The following CHN1 variants were observed in gnomAD, a reference collection of about 807,000 sequenced individuals.
The protein encoded by CHN1 is chimerin 1.
Under a neutral mutation model 59.5 loss-of-function variants are expected in CHN1, and 37 were observed. That is an observed-to-expected ratio of 0.62 (90% confidence interval 0.48 to 0.82). CHN1 has a LOEUF of 0.82. Among genes scored for constraint, CHN1 ranks in the 40% least tolerant of loss-of-function variants. The pLI, the probability that CHN1 is intolerant of heterozygous loss-of-function variation, is 0.00. For synonymous variants in CHN1, 206 were observed against 200.4 expected, an observed-to-expected ratio of 1.03 and a Z score of -0.24; for missense variants, 469 against 571.0, an observed-to-expected ratio of 0.82 and a Z score of 1.82.
At chr2:174,926,788 T>C (rs1331233956) in intron 3 of CHN1, among the ~76,000 whole-genome samples, 1 of 151,760 alleles carries the variant, frequency 6.6e-6, no homozygotes, top group Non-Finnish European at 1.5e-5. Flanking sequence ...GACGGAGTCT[T>C]GCTCTGTTGC....
rs903638312 is a variant in CHN1, at chr2:174,995,261, G to A, written c.19+9633C>T. Among the ~76,000 whole-genome samples, 12 of 152,076 alleles carry A rather than the reference G, an allele frequency of 7.9e-5. No homozygotes were observed. In the East Asian group the frequency reaches 9.6e-4, roughly 12 times the overall value. Reference sequence around the variant, plus strand: ...TTTCACTTTTCATGGTTTCAATTACGCACAGTCAACTGCAATCTGAAAAAA... The same window carrying A: ...TTTCACTTTTCATGGTTTCAATTACACACAGTCAACTGCAATCTGAAAAAA... On this transcript the variant is annotated intron_variant, in intron 1 of 12. Coordinates refer to ENST00000409900, the MANE Select transcript of CHN1 (RefSeq NM_001822.7).
At chr2:174,952,913 C>T (rs1220889742) in intron 1 of CHN1, among the ~76,000 whole-genome samples, 1 of 152,102 alleles carries the variant, frequency 6.6e-6, no homozygotes, top group Non-Finnish European at 1.5e-5. Flanking sequence ...ACATGACGGA[C>T]GTGGAGTTAT....
At chr2:174,809,079 TGG>T in intron 10 of CHN1, 37 bp from the exon 11 acceptor site, 2 of 1,563,268 alleles carry the variant, frequency 1.3e-6, no homozygotes, top group Non-Finnish European at 1.7e-6. Context: ...AGTAAATATC[TGG>T]ATTCACAGCA....
intron 6 of CHN1, among the ~76,000 whole-genome samples, chr2:174,873,573 A>G (rs1371789381): frequency 1.1e-4 from 16 of 152,214 alleles, no homozygotes; most frequent in Non-Finnish European, 1.9e-4. Context: ...GCCAATTAAC[A>G]AAGCAGACTG....
intron 1 of CHN1, among the ~76,000 whole-genome samples, chr2:174,970,407 A>C (rs539730141): frequency 8.5e-5 from 13 of 152,346 alleles, no homozygotes; most frequent in African/African-American, 2.4e-4. Context: ...TCCAACAAAA[A>C]TAACTAACTG....
intron 1 of CHN1, among the ~76,000 whole-genome samples, chr2:174,987,113 C>A (rs1169289968): frequency 6.6e-6 from 1 of 152,166 alleles, no homozygotes; most frequent in Non-Finnish European, 1.5e-5. Context: ...ACATATAACA[C>A]AAAATATGCG....
chr2:174,824,291 G>C (rs976250942), intron 8 of CHN1, 143 bp downstream of exon 8: 1 of 485,082 alleles, frequency 2.1e-6, no homozygotes, highest in East Asian at 3.3e-5. Flanking sequence ...CAAAGTGGCT[G>C]CCTGAGAATC....
intron 5 of CHN1, among the ~76,000 whole-genome samples, chr2:174,883,553 A>AC (rs781468367): frequency 4.6e-5 from 7 of 152,146 alleles, no homozygotes; most frequent in Non-Finnish European, 7.3e-5. Context: ...AGCTCTCAGA[A>AC]CTACTAGCCA....
At chr2:174,876,345 T>C (rs1360348697) in intron 6 of CHN1, among the ~76,000 whole-genome samples, 1 of 152,238 alleles carries the variant, frequency 6.6e-6, no homozygotes, top group Non-Finnish European at 1.5e-5. Flanking sequence ...TTTTTAAACA[T>C]TTCACAAATG....
chr2:174,960,141 CATG>C (rs1690351447), intron 1 of CHN1, among the ~76,000 whole-genome samples: 1 of 152,160 alleles, frequency 6.6e-6, no homozygotes, highest in Non-Finnish European at 1.5e-5. Context: ...TAGAAAAAAA[CATG>C]AGAGTGTAAC....
chr2:174,905,620 A>C (rs1327405149), intron 5 of CHN1, among the ~76,000 whole-genome samples: 1 of 151,814 alleles, frequency 6.6e-6, no homozygotes, highest in Non-Finnish European at 1.5e-5. Context: ...GCTGGAGTGC[A>C]GTGGCGAAAT....
intron 5 of CHN1, among the ~76,000 whole-genome samples, chr2:174,901,486 G>A (rs1574144497): frequency 6.6e-6 from 1 of 152,090 alleles, no homozygotes; most frequent in East Asian, 1.9e-4. Context: ...TTATGCACTC[G>A]TATCTCCCTT....
intron 8 of CHN1, among the ~76,000 whole-genome samples, chr2:174,815,202 C>A (rs1008412264): frequency 1.3e-5 from 2 of 151,950 alleles, no homozygotes; most frequent in African/African-American, 2.4e-5. Flanking sequence ...CATAGTGAGA[C>A]CCTGCCTCTA....
intron 6 of CHN1, among the ~76,000 whole-genome samples, chr2:174,863,872 A>G (rs1379458005): frequency 6.6e-6 from 1 of 152,186 alleles, no homozygotes; most frequent in African/African-American, 2.4e-5. Context: ...TGGTGAGAAC[A>G]CTGATCGTCA....
chr2:174,849,513 T>C (rs573572445), intron 6 of CHN1, among the ~76,000 whole-genome samples: 3 of 152,270 alleles, frequency 2.0e-5, no homozygotes, highest in African/African-American at 7.2e-5. Flanking sequence ...TGCATTAATT[T>C]TGGTGAAGAA....
chr2:174,880,206 C>CA (rs1367878920), intron 5 of CHN1, among the ~76,000 whole-genome samples: 1 of 152,046 alleles, frequency 6.6e-6, no homozygotes, highest in Non-Finnish European at 1.5e-5. Flanking sequence ...ATCACATAAC[C>CA]AAAAAACTTA....
At chr2:174,898,736 T>C (rs1000408775) in intron 5 of CHN1, among the ~76,000 whole-genome samples, 1 of 152,216 alleles carries the variant, frequency 6.6e-6, no homozygotes, top group African/African-American at 2.4e-5. Context: ...CATGTCTATC[T>C]GGGCACAATA....
chr2:174,923,475 A>C (rs998300399), intron 3 of CHN1, among the ~76,000 whole-genome samples: 1 of 152,226 alleles, frequency 6.6e-6, no homozygotes, highest in Non-Finnish European at 1.5e-5. Context: ...TGTGTAACCT[A>C]ATATCAAAGC....
In CHN1 at chr2:174,811,374, T is replaced by C. The variant is rs1244247730; in HGVS notation, c.964+137A>G. ...ACAACTCAGAAAAAAGAAGAAATTA[T>C]AAGCTAAGTTTTTTAATTTGGTATA... On this transcript the variant is annotated intron_variant, in intron 10 of 12. Transcript: ENST00000409900. The C allele has an allele frequency of 8.9e-6, 5 of 564,704 alleles. No homozygotes were observed. The Admixed American group carries it at 1.7e-4, about 20-fold the overall frequency. The allele number at this position is 564,704 out of a possible 1,614,324, so 35.0% of individuals were successfully genotyped here.
Sources: allele counts gnomAD v4.1 joint callset (sites outside exome capture counted in the v4.1 genomes callset), GRCh38; gene constraint gnomAD v4.1.1; transcripts MANE v1.5; gene names NCBI Gene and HGNC (gene_info 2026-07-23, HGNC 2026-07-21).